Variants in LRRC7 observed in about 807,000 individuals in gnomAD.
LRRC7 encodes leucine rich repeat containing 7, also known as leucine-rich repeat-containing protein 7.
Under a neutral mutation model 175.7 loss-of-function variants are expected in LRRC7, and 23 were observed. The ratio of observed to expected loss-of-function variants is 0.13; its 90% CI spans 0.09 to 0.19. LRRC7 has a LOEUF of 0.19. Ranked by LOEUF, LRRC7 falls within the 10% of genes least tolerant of loss-of-function variation. The pLI, the probability that LRRC7 is intolerant of heterozygous loss-of-function variation, is 1.00. For synonymous variants in LRRC7, 685 were observed against 680.9 expected, an observed-to-expected ratio of 1.01 and a Z score of -0.09; for missense variants, 1,354 against 1,904.7, an observed-to-expected ratio of 0.71 and a Z score of 5.38.
At chr1:70,108,917 C>T (rs1665325848) in intron 26 of LRRC7, among the ~76,000 whole-genome samples, 1 of 152,184 alleles carries the variant, frequency 6.6e-6, no homozygotes, top group Admixed American at 6.5e-5. Context: ...AAGTAGAAAT[C>T]CTAAGATTGC....
In LRRC7 at chr1:70,130,668, T is replaced by G. The variant is rs1416062022; in HGVS notation, c.*8781T>G. Among the ~76,000 whole-genome samples the G allele has an allele frequency of 6.6e-6, 1 of 152,256 alleles. No individual in the cohort carries two copies. The highest frequency in any genetic ancestry group is 2.4e-5 in the African/African-American group (1 of 41,466). ...AGTTTAAGAAGTGGCTTTTATTTAA[T>G]TGGAGCACACCATATCTATCCTTTT... On this transcript the variant is annotated 3_prime_UTR_variant, in exon 27 of 27. Coordinates refer to ENST00000651989, the MANE Select transcript of LRRC7 (RefSeq NM_001370785.2).
chr1:70,049,052 C>G (rs1660552588), intron 22 of LRRC7, among the ~76,000 whole-genome samples: 1 of 152,002 alleles, frequency 6.6e-6, no homozygotes, highest in Non-Finnish European at 1.5e-5. Flanking sequence ...AACAGCATAC[C>G]ATAGCATCCA....
At chr1:69,794,033 A>G (rs1675428267) in intron 4 of LRRC7, among the ~76,000 whole-genome samples, 1 of 152,048 alleles carries the variant, frequency 6.6e-6, no homozygotes. Context: ...ACATGTTACA[A>G]TGATAAATTC....
chr1:69,867,179 A>G (rs1360301326), intron 7 of LRRC7, among the ~76,000 whole-genome samples: 1 of 152,152 alleles, frequency 6.6e-6, no homozygotes, highest in Non-Finnish European at 1.5e-5. Context: ...TCCTACATTG[A>G]ACCTTTAGTG....
At chr1:69,682,195 A>C (rs149402159) in intron 2 of LRRC7, among the ~76,000 whole-genome samples, 107 of 152,236 alleles carry the variant, frequency 7.0e-4, no homozygotes, top group African/African-American at 2.4e-3. Flanking sequence ...CCCTCTTCTC[A>C]GGGAGAATTA....
At chr1:69,741,396 T>G (rs10889850) in intron 2 of LRRC7, among the ~76,000 whole-genome samples, 109,299 of 151,514 alleles carry the variant, frequency 0.72, 39,778 homozygotes, top group East Asian at 0.92. Flanking sequence ...CATAATCCAG[T>G]AGGTGACATG....
At chr1:70,063,051 T>A (rs1342045925) in intron 23 of LRRC7, among the ~76,000 whole-genome samples, 1 of 152,100 alleles carries the variant, frequency 6.6e-6, no homozygotes, top group Admixed American at 6.6e-5. Context: ...CTAATACCAG[T>A]ACAACAATAC....
intron 4 of LRRC7, among the ~76,000 whole-genome samples, chr1:69,799,839 T>C (rs778199540): frequency 6.6e-6 from 1 of 152,124 alleles, no homozygotes; most frequent in Non-Finnish European, 1.5e-5. Flanking sequence ...TCCAGACGTG[T>C]TTTCTCTGGA....
At chr1:69,809,053 A>T (rs1041946750) in intron 4 of LRRC7, among the ~76,000 whole-genome samples, 4 of 152,206 alleles carry the variant, frequency 2.6e-5, no homozygotes, top group Non-Finnish European at 5.9e-5. Context: ...AGAAAGAGAG[A>T]AGAATCAAAT....
intron 1 of LRRC7, among the ~76,000 whole-genome samples, chr1:69,640,184 G>A (rs1489209235): frequency 6.6e-6 from 1 of 151,724 alleles, no homozygotes. Context: ...AACGGTACCA[G>A]ATAACATCCA....
intron 8 of LRRC7, among the ~76,000 whole-genome samples, chr1:69,938,251 C>T (rs1023684911): frequency 6.6e-6 from 1 of 152,002 alleles, no homozygotes; most frequent in African/African-American, 2.4e-5. Context: ...GTTATAAAAA[C>T]ATTTCATAAA....
Position 69,969,775 on chromosome 1 carries a change from A to G in LRRC7, c.712-10604A>G, listed in dbSNP as rs566550017. Among the ~76,000 whole-genome samples the G allele has an allele frequency of 2.6e-5, 4 of 152,304 alleles. No individual in the cohort carries two copies. In the South Asian group the frequency reaches 6.2e-4, roughly 24 times the overall value. On this transcript the variant is annotated intron_variant, in intron 8 of 26. Coordinates refer to ENST00000651989, the MANE Select transcript of LRRC7 (RefSeq NM_001370785.2). ...GGATTTAAACTATACCCCAGAACAA[A>G]TAGACTTAACATATATTTACATGAC...
chr1:70,007,089 T>G (rs767874242), intron 11 of LRRC7, among the ~76,000 whole-genome samples: 10 of 152,128 alleles, frequency 6.6e-5, no homozygotes, highest in Non-Finnish European at 1.3e-4. Context: ...GCTGATCAAC[T>G]CAACGTTCAG....
In LRRC7 at chr1:69,996,307, T is replaced by C. The variant is rs1654959216; in HGVS notation, c.1004+1674T>C. ...CATTGTAGATTCTGGATATTAGTCC[T>C]TTGTCAGATGAGTAGGTTGCGAAAA... On this transcript the variant is annotated intron_variant, in intron 11 of 26. Transcript: ENST00000651989. 2.0e-5 allele frequency among the ~76,000 whole-genome samples: 3 copies of C among 152,222 alleles called. No individual in the cohort carries two copies. The South Asian group carries it at 6.2e-4, about 32-fold the overall frequency.
chr1:69,765,701 A>C (rs1671550156), intron 3 of LRRC7, among the ~76,000 whole-genome samples: 1 of 152,090 alleles, frequency 6.6e-6, no homozygotes, highest in Admixed American at 6.6e-5. Flanking sequence ...ACAAGAAACT[A>C]TGCATTCATC....
intron 1 of LRRC7, among the ~76,000 whole-genome samples, chr1:69,603,675 T>A (rs2101003641): frequency 6.6e-6 from 1 of 152,266 alleles, no homozygotes; most frequent in East Asian, 1.9e-4. Flanking sequence ...AATTCTTACT[T>A]TAATTATTGC....
At chr1:69,808,056 A>G (rs1313061313) in intron 4 of LRRC7, among the ~76,000 whole-genome samples, 1 of 151,240 alleles carries the variant, frequency 6.6e-6, no homozygotes, top group Non-Finnish European at 1.5e-5. Context: ...TCGATCTTCA[A>G]TCTCTGATGT....
intron 2 of LRRC7, among the ~76,000 whole-genome samples, chr1:69,758,616 C>T (rs570906686): frequency 1.3e-4 from 20 of 152,020 alleles, no homozygotes; most frequent in African/African-American, 3.6e-4. Context: ...AGATAATGAA[C>T]GTAATACCCA....
At chr1:70,082,977 G>A (rs1663337139) in intron 24 of LRRC7, among the ~76,000 whole-genome samples, 2 of 151,338 alleles carry the variant, frequency 1.3e-5, no homozygotes, top group Middle Eastern at 3.4e-3. Context: ...TAGAGATGGA[G>A]TTTCGCCATG....
Sources: allele counts gnomAD v4.1 joint callset (sites outside exome capture counted in the v4.1 genomes callset), GRCh38; gene constraint gnomAD v4.1.1; transcripts MANE v1.5; gene names NCBI Gene and HGNC (gene_info 2026-07-23, HGNC 2026-07-21).